The following PTPRN2 variants were observed in gnomAD, a reference collection of about 807,000 sequenced individuals.
PTPRN2 encodes protein tyrosine phosphatase receptor type N2.
A neutral mutation model predicts 118.8 loss-of-function variants in PTPRN2; 74 were observed. The ratio of observed to expected loss-of-function variants is 0.62; its 90% CI spans 0.52 to 0.76. PTPRN2 has a LOEUF of 0.76. Among genes scored for constraint, PTPRN2 ranks in the 30% least tolerant of loss-of-function variants. The pLI, the probability that PTPRN2 is intolerant of heterozygous loss-of-function variation, is 0.00. For missense variants in PTPRN2, 1,481 were observed against 1,394.4 expected, an observed-to-expected ratio of 1.06 and a Z score of -0.99; for synonymous variants, 641 against 608.0, an observed-to-expected ratio of 1.05 and a Z score of -0.80.
intron 6 of PTPRN2, among the ~76,000 whole-genome samples, chr7:158,148,018 A>C (rs66894261): frequency 0.016 from 40 of 2,452 alleles, 3 homozygotes; most frequent in East Asian, 0.038. Flanking sequence ...TTCCCCCTCA[A>C]TGACACCCCA....
chr7:157,724,336 A>G (rs1002750846), intron 12 of PTPRN2, among the ~76,000 whole-genome samples: 6 of 152,250 alleles, frequency 3.9e-5, no homozygotes, highest in Non-Finnish European at 8.8e-5. Flanking sequence ...GGAATTACGA[A>G]CATAAAACTT....
rs577619750 is a variant in PTPRN2, at chr7:158,054,118, T to C, written c.1723+27180A>G. Reference sequence around the variant, plus strand: ...TCCAGAGACGGAGAGACCCCAGAGATGCAGAGACCCTAGAGAGCATGGGGG... The same window carrying C: ...TCCAGAGACGGAGAGACCCCAGAGACGCAGAGACCCTAGAGAGCATGGGGG... On this transcript the variant is annotated intron_variant, in intron 11 of 22. Transcript: ENST00000389418. Among the ~76,000 whole-genome samples the C allele has an allele frequency of 1.4e-3, 208 of 151,796 alleles. 1 individual carries two copies. The highest frequency in any genetic ancestry group is 5.4e-4 in the Non-Finnish European group (37 of 67,926).
At chr7:158,292,796 G>A (rs1800208313) in intron 3 of PTPRN2, among the ~76,000 whole-genome samples, 1 of 152,186 alleles carries the variant, frequency 6.6e-6, no homozygotes, top group Non-Finnish European at 1.5e-5. Flanking sequence ...GGCCGGGCAT[G>A]GTGGCTCACG....
intron 1 of PTPRN2, among the ~76,000 whole-genome samples, chr7:158,545,510 C>T (rs540321299): frequency 5.3e-5 from 8 of 152,324 alleles, no homozygotes; most frequent in East Asian, 3.9e-4. Context: ...CCTGAGCAGC[C>T]GTCTGCGGGC....
At chr7:157,750,705 C>T (rs1801410785) in intron 12 of PTPRN2, among the ~76,000 whole-genome samples, 1 of 152,256 alleles carries the variant, frequency 6.6e-6, no homozygotes, top group Non-Finnish European at 1.5e-5. Context: ...TCCTCTCCCT[C>T]CGGCTCCAGT....
chr7:158,215,109 T>C (rs558138251), intron 3 of PTPRN2, among the ~76,000 whole-genome samples: 2 of 152,260 alleles, frequency 1.3e-5, no homozygotes, highest in South Asian at 4.2e-4. Context: ...AATGCTTCAA[T>C]GAGCAATTAT....
intron 3 of PTPRN2, among the ~76,000 whole-genome samples, chr7:158,262,340 CAT>C (rs370614978): frequency 0.011 from 1,666 of 148,846 alleles, 32 homozygotes; most frequent in African/African-American, 0.039. Flanking sequence ...ACACTGCACA[CAT>C]ATTCACACAC....
At chr7:157,642,841 A>AAAAAAAAAAAAAAC (rs1804781098) in intron 14 of PTPRN2, among the ~76,000 whole-genome samples, 1 of 147,788 alleles carries the variant, frequency 6.8e-6, no homozygotes, top group Non-Finnish European at 1.5e-5. Flanking sequence ...AAAAAAAAAA[A>AAAAAAAAAAAAAAC]AAAGCAGCTA....
At chr7:157,979,458 T>C (rs1448491456) in intron 11 of PTPRN2, among the ~76,000 whole-genome samples, 2 of 152,242 alleles carry the variant, frequency 1.3e-5, no homozygotes, top group African/African-American at 4.8e-5. Context: ...CACTGGCAAC[T>C]GCACGTTGCT....
intron 12 of PTPRN2, among the ~76,000 whole-genome samples, chr7:157,833,496 A>G (rs6943290): frequency 0.13 from 14,306 of 113,526 alleles, 1,814 homozygotes; most frequent in African/African-American, 0.33. Flanking sequence ...TCCAGGAAGT[A>G]TGCGACGTGG....
chr7:157,689,825 C>T (rs1025820780), intron 12 of PTPRN2, among the ~76,000 whole-genome samples: 2 of 152,196 alleles, frequency 1.3e-5, no homozygotes, highest in African/African-American at 2.4e-5. Flanking sequence ...ACGCCTCTCC[C>T]TGCAGGCCCC....
At chr7:157,773,708 C>T (rs1011873233) in intron 12 of PTPRN2, among the ~76,000 whole-genome samples, 2 of 152,240 alleles carry the variant, frequency 1.3e-5, no homozygotes, top group African/African-American at 4.8e-5. Flanking sequence ...TCTTCCTCAG[C>T]CTCAATTTCT....
At chr7:158,183,393 G>C (rs941029083) in intron 5 of PTPRN2, among the ~76,000 whole-genome samples, 2 of 152,176 alleles carry the variant, frequency 1.3e-5, no homozygotes, top group African/African-American at 4.8e-5. Flanking sequence ...CAGGCTCCCA[G>C]ATCCTGTGTT....
At chr7:158,566,814 C>G (rs1227281552) in intron 1 of PTPRN2, among the ~76,000 whole-genome samples, 1 of 152,152 alleles carries the variant, frequency 6.6e-6, no homozygotes, top group African/African-American at 2.4e-5. Context: ...CTCCTGAGTT[C>G]AAGCAACTCT....
intron 13 of PTPRN2, among the ~76,000 whole-genome samples, chr7:157,681,513 C>A (rs372613157): frequency 3.1e-4 from 47 of 152,352 alleles, no homozygotes; most frequent in African/African-American, 1.1e-3. Context: ...GCTGGTGACC[C>A]TCTCCAGAAA....
chr7:157,905,931 C>T (rs1267244742), intron 11 of PTPRN2, among the ~76,000 whole-genome samples: 2 of 152,126 alleles, frequency 1.3e-5, no homozygotes, highest in Non-Finnish European at 2.9e-5. Context: ...AAACGACGTC[C>T]CCTAGGGTAA....
intron 13 of PTPRN2, among the ~76,000 whole-genome samples, chr7:157,663,912 C>T (rs984130699): frequency 3.3e-5 from 5 of 152,212 alleles, no homozygotes; most frequent in Non-Finnish European, 5.9e-5. Context: ...AAATGTAGAA[C>T]GCTACTTGAC....
chr7:158,053,067 A>T (rs962483883), intron 11 of PTPRN2, among the ~76,000 whole-genome samples: 2 of 152,328 alleles, frequency 1.3e-5, no homozygotes, highest in Middle Eastern at 3.4e-3. Context: ...CACAACCCCC[A>T]GAAGCACAGT....
intron 6 of PTPRN2, among the ~76,000 whole-genome samples, chr7:158,148,681 GCCACA>G (rs1820484019): frequency 3.7e-5 from 2 of 53,934 alleles, no homozygotes; most frequent in African/African-American, 6.4e-5. Flanking sequence ...CCCATCTCAC[GCCACA>G]TGCCTTTCCC....
Sources: gnomAD v4.1 joint callset for allele counts (sites outside exome capture counted in the v4.1 genomes callset) on GRCh38, gnomAD v4.1.1 for gene constraint, MANE v1.5 for transcripts, NCBI Gene and HGNC (gene_info 2026-07-23, HGNC 2026-07-21) for gene names.